The following CALHM6 variants were observed in gnomAD, a reference collection of about 807,000 sequenced individuals.
CALHM6 encodes calcium homeostasis modulator protein 6.
Under a neutral mutation model 12.7 loss-of-function variants are expected in CALHM6, and 15 were observed. The observed-to-expected ratio is 1.18, with a 90% confidence interval of 0.79 to 1.82. CALHM6 has a LOEUF of 1.82. Among genes scored for constraint, CALHM6 ranks in the 40% most tolerant of loss-of-function variants. The probability of loss-of-function intolerance (pLI) is 0.00; values close to 1 mark genes in which losing one functional copy is unlikely to be tolerated. For synonymous variants in CALHM6, 212 were observed against 193.7 expected (o/e 1.09, Z -0.78); for missense variants, 434 against 421.0 (o/e 1.03, Z -0.27).
chr6:116,462,218 C>G lies in CALHM6; in HGVS notation c.289C>G (p.Leu97Val). Residue 97 changes from leucine to valine, a missense_variant, in exon 2 of 3, where the codon CTG becomes GTG. Transcript: ENST00000368605. ...ASCGSALRGS[L>V]VCTQISAAAA... ...TTGCGGATCGGCGCTGCGCGGCTCC[C>G]TGGTGTGCACGCAAATCAGCGCGGC... 2.8e-6 allele frequency: 4 copies of G among 1,434,766 alleles called. No homozygotes were observed. Among genetic ancestry groups the G allele is most frequent in the South Asian group, 1.4e-5 (1 of 70,748 alleles). The allele number at this position is 1,434,766 out of a possible 1,614,324, so 88.9% of individuals were successfully genotyped here.
chr6:116,462,448 G>A lies in CALHM6; in HGVS notation c.519G>A (p.Gln173=). 6.7e-7 allele frequency: 1 copy of A among 1,496,682 alleles called. No individual in the cohort carries two copies. The highest frequency in any genetic ancestry group is 8.9e-7 in the Non-Finnish European group (1 of 1,121,844). 92.7% of individuals were successfully genotyped at this position (1,496,682 alleles called of 1,614,324 possible). Residue 173 remains glutamine, a synonymous_variant, in exon 2 of 3, where the codon CAG becomes CAA. Transcript: ENST00000368605. Reference sequence around the variant, plus strand: ...ACCTCCTGAAGGATCTGAAGGCTCAGTCGCAGGTCTGCCGCTGGCGCTGGG... The same window carrying A: ...ACCTCCTGAAGGATCTGAAGGCTCAATCGCAGGTCTGCCGCTGGCGCTGGG... ...VQDLLKDLKA[Q]SQVLGWILIA... is the part of the protein sequence containing the mutation.
chr6:116,461,554 AG>A (rs1784769330), intron 1 of CALHM6, 125 bp downstream of exon 1: 1 of 911,834 alleles, frequency 1.1e-6, no homozygotes, highest in African/African-American at 1.7e-5. Context: ...TGGGTCAAGA[AG>A]GTTAGTTTCC....
chr6:116,463,674 C>T lies in CALHM6; in HGVS notation c.917C>T (p.Ser306Leu), dbSNP rs374973946. Reference protein sequence around the residue: ...TVIPVLGFVDSSGINSTPEL With the variant: ...TVIPVLGFVDLSGINSTPEL ...ATTCCTGTTCTTGGCTTTGTAGATT[C>T]ATCTGGTATAAACAGCACTCCTGAG... is the stretch of plus-strand genomic sequence containing the variant. Residue 306 changes from serine (S) to leucine (L), a missense_variant, in exon 3 of 3, where the codon TCA (serine) becomes TTA (leucine). Coordinates refer to ENST00000368605, the MANE Select transcript of CALHM6 (RefSeq NM_001010919.3). 48 of 1,611,912 alleles carry T rather than the reference C, an allele frequency of 3.0e-5. No homozygotes were observed. The highest frequency in any genetic ancestry group is 3.9e-5 in the Non-Finnish European group (46 of 1,179,182).
At position 116,462,037 on chromosome 6, in the gene CALHM6, C is replaced by G. The variant is rs1784781122; in HGVS notation, c.108C>G (p.Ala36=). The G allele has an allele frequency of 2.6e-6, 4 of 1,548,688 alleles. No homozygotes were observed. The highest frequency in any genetic ancestry group is 1.4e-5 in the African/African-American group (1 of 73,096). ...CGGGCGGGGAGCGCATCTTCTCCGCCGTGGCATTCCAGTGCCCGTGCAGCG... is the reference window on the plus strand; with the variant it reads ...CGGGCGGGGAGCGCATCTTCTCCGCGGTGGCATTCCAGTGCCCGTGCAGCG... ...LTAGGERIFS[A]VAFQCPCSAA... is the part of the protein sequence containing the mutation. Residue 36 remains alanine, a synonymous_variant, in exon 2 of 3, where the codon GCC becomes GCG. Coordinates refer to ENST00000368605, the MANE Select transcript of CALHM6 (RefSeq NM_001010919.3).
At position 116,462,388 on chromosome 6, in the gene CALHM6, G is replaced by C. The variant is rs570090638; in HGVS notation, c.459G>C (p.Val153=). The change falls in exon 2 of 3, where the codon GTG becomes GTC. Residue 153 remains valine (V), a synonymous_variant. Transcript: ENST00000368605. ...GCTGCGCCGCGGAGCTGCCGCTGGTGCCGTGCAACCAGGCCAAGGCGTCGG... is the reference window on the plus strand; with the variant it reads ...GCTGCGCCGCGGAGCTGCCGCTGGTCCCGTGCAACCAGGCCAAGGCGTCGG... ...NRSCAAELPL[V]PCNQAKASDV... is the part of the protein sequence containing the mutation. The C allele has an allele frequency of 1.0e-5, 15 of 1,471,552 alleles. No homozygotes were observed. The East Asian group carries it at 3.0e-4, about 29-fold the overall frequency. 91.2% of individuals were successfully genotyped at this position (1,471,552 alleles called of 1,614,324 possible).
chr6:116,462,013 G>A lies in CALHM6; in HGVS notation c.84G>A (p.Ala28=). The A allele has an allele frequency of 1.3e-6, 2 of 1,548,698 alleles. No homozygotes were observed. The highest frequency in any genetic ancestry group is 1.7e-6 in the Non-Finnish European group (2 of 1,146,110). The change falls in exon 2 of 3, where the codon GCG becomes GCA. Residue 28 remains alanine (A), a synonymous_variant. Coordinates refer to ENST00000368605, the MANE Select transcript of CALHM6 (RefSeq NM_001010919.3). ...LGYGLVTLLT[A]GGERIFSAVA... ...ACGGCCTGGTGACCCTGCTGACGGC[G>A]GGCGGGGAGCGCATCTTCTCCGCCG...
chr6:116,461,524 GT>G, intron 1 of CALHM6, 95 bp downstream of exon 1: 1 of 1,250,168 alleles, frequency 8.0e-7, no homozygotes, highest in Non-Finnish European at 1.1e-6. Context: ...GTATTTCCCA[GT>G]TTTTCCAACT....
Position 116,461,952 on chromosome 6 carries a change from T to A in CALHM6, c.23T>A (p.Leu8Gln). Residue 8 changes from leucine to glutamine, a missense_variant, in exon 2 of 3, where the codon CTG (leucine) becomes CAG (glutamine). Leu to Gln is a moderately radical substitution (Grantham distance 113). Transcript: ENST00000368605. MEKFRAVLDLHVKHHSAL... is the reference protein window; with the variant it reads MEKFRAVQDLHVKHHSAL... ...CTCATGGAGAAGTTTCGGGCGGTGCTGGACCTGCACGTCAAGCACCACAGC... is the reference window on the plus strand; with the variant it reads ...CTCATGGAGAAGTTTCGGGCGGTGCAGGACCTGCACGTCAAGCACCACAGC... The A allele has an allele frequency of 1.3e-6, 2 of 1,539,188 alleles. No homozygotes were observed. Among genetic ancestry groups the A allele is most frequent in the Non-Finnish European group, 1.8e-6 (2 of 1,139,776 alleles).
intron 2 of CALHM6, 91 bp from the exon 3 acceptor site, chr6:116,463,192 C>A: frequency 8.0e-7 from 1 of 1,253,244 alleles, no homozygotes; most frequent in Non-Finnish European, 1.1e-6. Context: ...ATCATCATAA[C>A]TGGCGAGTAG....
chr6:116,463,285 G>C lies in CALHM6; in HGVS notation c.528G>C (p.Val176=), dbSNP rs1198612052. 10 of 1,608,846 alleles carry C rather than the reference G, an allele frequency of 6.2e-6. No individual in the cohort carries two copies. The African/African-American group carries it at 1.3e-4, about 22-fold the overall frequency. The change falls in exon 3 of 3, where the codon GTG becomes GTC. Residue 176 remains valine (V), a splice_region_variant and synonymous_variant. Coordinates refer to ENST00000368605, the MANE Select transcript of CALHM6 (RefSeq NM_001010919.3). The part of the protein sequence containing the change: ...LLKDLKAQSQ[V]LGWILIAVVI... ...CTATTTTGTTGTGTTTTCTTAAGGTGTTGGGCTGGATCTTGATAGCAGTTG... is the reference window on the plus strand; with the variant it reads ...CTATTTTGTTGTGTTTTCTTAAGGTCTTGGGCTGGATCTTGATAGCAGTTG...
rs1174773841 is a variant in CALHM6 at position 116,462,011 on chromosome 6, G to T, written c.82G>T (p.Ala28Ser). 5 of 1,548,784 alleles carry T rather than the reference G, an allele frequency of 3.2e-6. No individual in the cohort carries two copies. The change falls in exon 2 of 3, where the codon GCG (alanine) becomes TCG (serine). Residue 28 changes from alanine to serine, a missense_variant. By Grantham distance (99) the Ala-to-Ser change is moderately conservative. Coordinates refer to ENST00000368605, the MANE Select transcript of CALHM6 (RefSeq NM_001010919.3). ...CTACGGCCTGGTGACCCTGCTGACG[G>T]CGGGCGGGGAGCGCATCTTCTCCGC... is the stretch of plus-strand genomic sequence containing the variant. Reference protein sequence around the residue: ...LGYGLVTLLTAGGERIFSAVA... With the variant: ...LGYGLVTLLTSGGERIFSAVA...
In CALHM6 at chr6:116,463,348, A is replaced by G; in HGVS notation, c.591A>G (p.Arg197=). Residue 197 remains arginine, a synonymous_variant, in exon 3 of 3, where the codon CGA becomes CGG. Transcript: ENST00000368605. ...TTCTGATTTTTACATCTGTCACCCG[A>G]TGCCTATCTCCAGTTAGTTTTCTGC... ...IILLIFTSVT[R]CLSPVSFLQL... 4 of 1,614,074 alleles carry G rather than the reference A, an allele frequency of 2.5e-6. No homozygotes were observed. The highest frequency in any genetic ancestry group is 3.4e-6 in the Non-Finnish European group (4 of 1,180,000).
In CALHM6 at chr6:116,462,245, G is replaced by A. The variant is rs1403602407; in HGVS notation, c.316G>A (p.Ala106Thr). 1 of 1,369,404 alleles carries A rather than the reference G, an allele frequency of 7.3e-7. No homozygotes were observed. The highest frequency in any genetic ancestry group is 9.4e-7 in the Non-Finnish European group (1 of 1,066,506). The allele number at this position is 1,369,404 out of a possible 1,614,324, so 84.8% of individuals were successfully genotyped here. Residue 106 changes from alanine (A) to threonine (T), a missense_variant, in exon 2 of 3, where the codon GCC becomes ACC. Coordinates refer to ENST00000368605, the MANE Select transcript of CALHM6 (RefSeq NM_001010919.3). Reference sequence around the variant, plus strand: ...GGTGTGCACGCAAATCAGCGCGGCCGCCGCGCTCGCGCCCCTCACCTGGGT... The same window carrying A: ...GGTGTGCACGCAAATCAGCGCGGCCACCGCGCTCGCGCCCCTCACCTGGGT... Reference protein sequence around the residue: ...SLVCTQISAAAALAPLTWVAV... With the variant: ...SLVCTQISAATALAPLTWVAV...
chr6:116,461,812 C>A, intron 1 of CALHM6, 60 bp from the exon 2 acceptor site: 73 of 594,830 alleles, frequency 1.2e-4, no homozygotes, highest in Non-Finnish European at 1.6e-4. Context: ...AAAAAAAAGG[C>A]TGCTTCTCGC....
Position 116,463,415 on chromosome 6 carries a change from A to T in CALHM6, c.658A>T (p.Ile220Phe). 1.2e-6 allele frequency: 2 copies of T among 1,614,180 alleles called. No homozygotes were observed. Among genetic ancestry groups the T allele is most frequent in the Middle Eastern group, 1.6e-4 (1 of 6,062 alleles). The change falls in exon 3 of 3, where the codon ATC (isoleucine) becomes TTC (phenylalanine). Residue 220 changes from isoleucine (I) to phenylalanine (F), a missense_variant. By Grantham distance (21) the Ile-to-Phe change is conservative. Coordinates refer to ENST00000368605, the MANE Select transcript of CALHM6 (RefSeq NM_001010919.3). ...AATCTATTTGGAACAGGAGCAGCAG[A>T]TCCTTAAAAGTAAAGCCACAGAGCA... Reference protein sequence around the residue: ...WKIYLEQEQQILKSKATEHAT... With the variant: ...WKIYLEQEQQFLKSKATEHAT...
At chr6:116,461,542 C>A in intron 1 of CALHM6, 113 bp downstream of exon 1, 2 of 1,032,572 alleles carry the variant, frequency 1.9e-6, no homozygotes, top group South Asian at 1.4e-5. Context: ...AACTGGCGGC[C>A]GTGGGTCAAG....
chr6:116,461,954 G>A lies in CALHM6; in HGVS notation c.25G>A (p.Asp9Asn). 6.5e-7 allele frequency: 1 copy of A among 1,540,428 alleles called. No homozygotes were observed. Among genetic ancestry groups the A allele is most frequent in the East Asian group, 2.5e-5 (1 of 40,372 alleles). Residue 9 changes from aspartate (D) to asparagine (N), a missense_variant, in exon 2 of 3, where the codon GAC (aspartate) becomes AAC (asparagine). Transcript: ENST00000368605. Reference sequence around the variant, plus strand: ...CATGGAGAAGTTTCGGGCGGTGCTGGACCTGCACGTCAAGCACCACAGCGC... The same window carrying A: ...CATGGAGAAGTTTCGGGCGGTGCTGAACCTGCACGTCAAGCACCACAGCGC... MEKFRAVL[D>N]LHVKHHSALG...
rs117361304 is a variant in CALHM6 at position 116,462,456 on chromosome 6, T to G, written c.525+2T>G. On this transcript the variant is annotated splice_donor_variant, in intron 2 of 2. Transcript: ENST00000368605. LOFTEE classifies it high-confidence loss of function. ...AAGGATCTGAAGGCTCAGTCGCAGG[T>G]CTGCCGCTGGCGCTGGGGGCGTTTG... 122,878 of 1,491,702 alleles carry G rather than the reference T, an allele frequency of 0.082. 5,578 individuals carry two copies. The highest frequency in any genetic ancestry group is 0.093 in the East Asian group (3,195 of 34,220). 92.4% of individuals were successfully genotyped at this position (1,491,702 alleles called of 1,614,324 possible).
rs1210169528 is a variant in CALHM6, at chr6:116,462,691, A to T, written c.525+237A>T. 2.0e-5 allele frequency among the ~76,000 whole-genome samples: 3 copies of T among 152,146 alleles called. No homozygotes were observed. The South Asian group carries it at 6.2e-4, about 31-fold the overall frequency. On this transcript the variant is annotated intron_variant, in intron 2 of 2. Transcript: ENST00000368605. ...CTGTACATGAATCGTGGAAAGTGGG[A>T]GTGAGAGTGGGCACGCCTACTCAGT...
Sources: allele counts gnomAD v4.1 joint callset (sites outside exome capture counted in the v4.1 genomes callset), GRCh38; gene constraint gnomAD v4.1.1; transcripts MANE v1.5; gene names NCBI Gene and HGNC (gene_info 2026-07-23, HGNC 2026-07-21).